The following COG5 variants were observed in gnomAD, a reference collection of about 807,000 sequenced individuals.
COG5 encodes component of oligomeric golgi complex 5.
Under a neutral mutation model 110.4 loss-of-function variants are expected in COG5, and 86 were observed. That is an observed-to-expected ratio of 0.78 (90% CI 0.65 to 0.93). COG5 has a LOEUF of 0.93. Ranked by LOEUF, COG5 falls within the 40% of genes least tolerant of loss-of-function variation. The pLI is 0.00. For synonymous variants in COG5, 360 were observed against 334.6 expected, an observed-to-expected ratio of 1.08 and a Z score of -0.83; for missense variants, 1,077 against 987.0, an observed-to-expected ratio of 1.09 and a Z score of -1.22.
At chr7:107,265,547 G>A (rs1803731138) in intron 14 of COG5, among the ~76,000 whole-genome samples, 1 of 152,170 alleles carries the variant, frequency 6.6e-6, no homozygotes, top group Non-Finnish European at 1.5e-5. Flanking sequence ...GATTACAGGT[G>A]TGAGCCACTG....
intron 10 of COG5, among the ~76,000 whole-genome samples, chr7:107,340,466 T>C (rs1273152262): frequency 2.0e-5 from 3 of 152,070 alleles, no homozygotes; most frequent in Non-Finnish European, 4.4e-5. Context: ...GCACCAATAC[T>C]ACTGAAACTA....
chr7:107,353,364 G>A (rs952187283), intron 10 of COG5, among the ~76,000 whole-genome samples: 3 of 139,396 alleles, frequency 2.2e-5, no homozygotes, highest in Admixed American at 7.3e-5. Flanking sequence ...GGCGGAGCTT[G>A]CAGTGAGCCG....
chr7:107,249,743 CATAT>C lies in COG5; in HGVS notation c.1750-1248_1750-1245del, dbSNP rs933679100. Among the ~76,000 whole-genome samples, 5 of 126,534 alleles carry C rather than the reference CATAT, an allele frequency of 4.0e-5. No individual in the cohort carries two copies. In the Admixed American group the frequency reaches 4.1e-4, roughly 10 times the overall value. 83.0% of individuals were successfully genotyped at this position (126,534 alleles called of 152,430 possible). A position where few individuals can be genotyped will look rare whatever the true frequency, so the allele number is the denominator to read the frequency against. ...GTGTGTGTGTGTGTGTGTGTGTATA[CATAT>C]AGTTTGCCCTCCATACAGGAGCTCA... On this transcript the variant is annotated intron_variant, in intron 16 of 21. Coordinates refer to ENST00000297135, the MANE Select transcript of COG5 (RefSeq NM_006348.5).
chr7:107,546,317 A>C (rs1399785771), intron 5 of COG5, among the ~76,000 whole-genome samples: 3 of 152,128 alleles, frequency 2.0e-5, no homozygotes, highest in Non-Finnish European at 4.4e-5. Context: ...AAAAGAACAA[A>C]CAAAGCCCAA....
intron 19 of COG5, among the ~76,000 whole-genome samples, chr7:107,226,030 C>T (rs1229103485): frequency 1.3e-5 from 2 of 151,662 alleles, no homozygotes; most frequent in African/African-American, 4.8e-5. Context: ...GGGACAAAAG[C>T]GAGACATCAT....
At chr7:107,275,049 T>G (rs1193140321) in intron 14 of COG5, among the ~76,000 whole-genome samples, 1 of 152,140 alleles carries the variant, frequency 6.6e-6, no homozygotes, top group Non-Finnish European at 1.5e-5. Flanking sequence ...TGTCTCGAAC[T>G]CTCAAAGTGC....
intron 14 of COG5, among the ~76,000 whole-genome samples, chr7:107,261,917 T>C (rs985618739): frequency 6.6e-6 from 1 of 151,510 alleles, no homozygotes; most frequent in East Asian, 1.9e-4. Context: ...TTTTTAAAGA[T>C]AGGCTCTCTG....
chr7:107,344,824 G>A (rs982494489), intron 10 of COG5, among the ~76,000 whole-genome samples: 4 of 152,150 alleles, frequency 2.6e-5, no homozygotes, highest in Admixed American at 1.3e-4. Context: ...GCGCCTGGCC[G>A]ACTGTTTTAC....
chr7:107,207,246 C>T (rs1338252956), intron 21 of COG5, among the ~76,000 whole-genome samples: 2 of 152,222 alleles, frequency 1.3e-5, no homozygotes, highest in Non-Finnish European at 2.9e-5. Flanking sequence ...ACTCCATTCA[C>T]AGAACTGATA....
At chr7:107,531,394 A>G (rs770919575) in intron 5 of COG5, among the ~76,000 whole-genome samples, 3 of 152,190 alleles carry the variant, frequency 2.0e-5, no homozygotes, top group Non-Finnish European at 2.9e-5. Flanking sequence ...CTGATATTCA[A>G]TGTCAAAATC....
intron 6 of COG5, among the ~76,000 whole-genome samples, chr7:107,430,853 A>G (rs1277407139): frequency 6.6e-6 from 1 of 152,154 alleles, no homozygotes; most frequent in Non-Finnish European, 1.5e-5. Flanking sequence ...GATAGGCCCT[A>G]ATAAAATCAC....
chr7:107,204,434 G>T (rs1029638348), intron 21 of COG5, among the ~76,000 whole-genome samples: 2 of 151,198 alleles, frequency 1.3e-5, no homozygotes, highest in African/African-American at 4.9e-5. Context: ...TGTTTAAGTG[G>T]AGCTAAAAAG....
At chr7:107,294,453 G>A in intron 12 of COG5, among the ~76,000 whole-genome samples, 1 of 151,800 alleles carries the variant, frequency 6.6e-6, no homozygotes, top group East Asian at 1.9e-4. Context: ...CTCTGTGCTG[G>A]CCCCCCCTAA....
chr7:107,288,505 C>T (rs1419706994), intron 12 of COG5, among the ~76,000 whole-genome samples: 1 of 151,956 alleles, frequency 6.6e-6, no homozygotes, highest in East Asian at 1.9e-4. Context: ...TATAGACATC[C>T]TAGGGGGCGT....
At chr7:107,552,621 A>T (rs1433165105) in intron 3 of COG5, among the ~76,000 whole-genome samples, 1 of 152,182 alleles carries the variant, frequency 6.6e-6, no homozygotes, top group East Asian at 1.9e-4. Context: ...AAAAAGTCAA[A>T]AAACAACAGA....
intron 5 of COG5, among the ~76,000 whole-genome samples, chr7:107,529,250 T>C (rs1259310453): frequency 1.3e-5 from 2 of 152,184 alleles, no homozygotes; most frequent in Admixed American, 1.3e-4. Flanking sequence ...TGCAGGTAGT[T>C]AGACAGTCAA....
chr7:107,316,844 A>T (rs1808810735), intron 11 of COG5, among the ~76,000 whole-genome samples: 1 of 151,860 alleles, frequency 6.6e-6, no homozygotes, highest in Non-Finnish European at 1.5e-5. Context: ...AAAAAAAAAG[A>T]AAGAAAAGCA....
At chr7:107,273,546 C>T (rs1367556125) in intron 14 of COG5, among the ~76,000 whole-genome samples, 1 of 152,188 alleles carries the variant, frequency 6.6e-6, no homozygotes, top group East Asian at 1.9e-4. Context: ...AGTGTTAGGA[C>T]TTCCAATCCC....
intron 6 of COG5, among the ~76,000 whole-genome samples, chr7:107,517,409 T>A (rs1351572891): frequency 6.6e-6 from 1 of 152,120 alleles, no homozygotes; most frequent in African/African-American, 2.4e-5. Flanking sequence ...GGAATCAAGT[T>A]GGAAAAGACT....
Sources: gnomAD v4.1 joint callset for allele counts (sites outside exome capture counted in the v4.1 genomes callset) on GRCh38, gnomAD v4.1.1 for gene constraint, MANE v1.5 for transcripts, NCBI Gene and HGNC (gene_info 2026-07-23, HGNC 2026-07-21) for gene names.